Variants in ATF3 observed in about 807,000 individuals in gnomAD.
ATF3 encodes the protein cyclic AMP-dependent transcription factor ATF-3.
Under a neutral mutation model 18.4 loss-of-function variants are expected in ATF3, and 10 were observed. The ratio of observed to expected loss-of-function variants is 0.54; its 90% CI spans 0.34 to 0.92. The LOEUF (loss-of-function observed/expected upper bound fraction) is 0.92. Ranked by LOEUF, ATF3 falls within the 40% of genes least tolerant of loss-of-function variation. The pLI is 0.02. For synonymous variants in ATF3, 78 were observed against 87.9 expected, an observed-to-expected ratio of 0.89 and a Z score of 0.63; for missense variants, 183 against 222.3, an observed-to-expected ratio of 0.82 and a Z score of 1.12.
intron 1 of ATF3, among the ~76,000 whole-genome samples, chr1:212,600,877 C>CAT (rs977319859): frequency 1.3e-4 from 19 of 151,960 alleles, no homozygotes; most frequent in African/African-American, 2.9e-4. Context: ...AACATACATA[C>CAT]ATATATATAT....
In ATF3 at chr1:212,619,853, AT is replaced by A; in HGVS notation, c.*300del. 4 of 337,166 alleles carry A rather than the reference AT, an allele frequency of 1.2e-5. No individual in the cohort carries two copies. Among genetic ancestry groups the A allele is most frequent in the South Asian group, 1.0e-4 (4 of 39,402 alleles). The allele number at this position is 337,166 out of a possible 1,614,324, so 20.9% of individuals were successfully genotyped here. On this transcript the variant is annotated 3_prime_UTR_variant, in exon 4 of 4. Coordinates refer to ENST00000341491, the MANE Select transcript of ATF3 (RefSeq NM_001674.4). The surrounding 1 kb of genome is among the most constrained non-coding windows in gnomAD (Gnocchi z 4.4). Reference sequence around the variant, plus strand: ...GGTGTCCTGCCCGCCTTTCATCTGGATTCTACAAAAAACCAGGATGCCCACC... The same window carrying A: ...GGTGTCCTGCCCGCCTTTCATCTGGATCTACAAAAAACCAGGATGCCCACC...
At chr1:212,595,077 T>C (rs898493186) in intron 1 of ATF3, among the ~76,000 whole-genome samples, 1 of 152,220 alleles carries the variant, frequency 6.6e-6, no homozygotes, top group Non-Finnish European at 1.5e-5. Context: ...ATTTTAATAA[T>C]ATCTCAACCA....
chr1:212,596,252 T>C (rs958488294), intron 1 of ATF3, among the ~76,000 whole-genome samples: 1 of 152,254 alleles, frequency 6.6e-6, no homozygotes, highest in South Asian at 2.1e-4. Context: ...ACACTAAGGC[T>C]AACTTTCCCC....
chr1:212,577,566 C>A (rs993203693), intron 1 of ATF3, among the ~76,000 whole-genome samples: 1 of 151,376 alleles, frequency 6.6e-6, no homozygotes, highest in Non-Finnish European at 1.5e-5. Flanking sequence ...ACCAGCCCCA[C>A]CCCCATCCTA....
At position 212,615,228 on chromosome 1, in the gene ATF3, C is replaced by G. The variant is rs1364754670; in HGVS notation, c.207C>G (p.Asp69Glu). 6 of 1,614,072 alleles carry G rather than the reference C, an allele frequency of 3.7e-6. No individual in the cohort carries two copies. The highest frequency in any genetic ancestry group is 3.3e-5 in the Admixed American group (2 of 60,012). ...CGCTGGAATCAGTCACTGTCAGCGACAGACCCCTCGGGGTGTCCATCACAA... is the reference window on the plus strand; with the variant it reads ...CGCTGGAATCAGTCACTGTCAGCGAGAGACCCCTCGGGGTGTCCATCACAA... ...SSALESVTVSDRPLGVSITKA... is the reference protein window; with the variant it reads ...SSALESVTVSERPLGVSITKA... Residue 69 changes from aspartate to glutamate, a missense_variant, in exon 2 of 4, where the codon GAC (aspartate) becomes GAG (glutamate). Physicochemically the swap from Asp to Glu is conservative, Grantham distance 45. Transcript: ENST00000341491.
In ATF3 at chr1:212,619,911, G is replaced by A. The variant is rs114399691; in HGVS notation, c.*356G>A. The A allele has an allele frequency of 4.0e-3, 1,194 of 300,778 alleles. 14 individuals carry two copies. The highest frequency in any genetic ancestry group is 0.024 in the African/African-American group (1,104 of 46,186). 18.6% of individuals were successfully genotyped at this position (300,778 alleles called of 1,614,324 possible). On this transcript the variant is annotated 3_prime_UTR_variant, in exon 4 of 4. Transcript: ENST00000341491. The surrounding 1 kb of genome is among the most constrained non-coding windows in gnomAD (Gnocchi z 4.4). ...ATTCAGGCAGCAGTGTCTGTACCTC[G>A]GGTGGGAGGGATGGGGCCATCTCCT...
chr1:212,615,473 G>C (rs1041624416), intron 2 of ATF3, among the ~76,000 whole-genome samples: 2 of 152,020 alleles, frequency 1.3e-5, no homozygotes, highest in Admixed American at 1.3e-4. Flanking sequence ...AAAAAGCAGG[G>C]AGCGGGGCAG....
chr1:212,617,747 A>G (rs924912663), intron 2 of ATF3, among the ~76,000 whole-genome samples: 4 of 152,186 alleles, frequency 2.6e-5, no homozygotes, highest in Non-Finnish European at 5.9e-5. Context: ...CTGGTTCTCA[A>G]AGAAAGGAGA....
intron 1 of ATF3, among the ~76,000 whole-genome samples, chr1:212,568,772 A>G (rs759052287): frequency 1.3e-5 from 2 of 151,906 alleles, no homozygotes; most frequent in Non-Finnish European, 2.9e-5. Context: ...TAATGTCTAA[A>G]CCTCCACTGC....
At chr1:212,592,389 C>A (rs987793483) in intron 1 of ATF3, among the ~76,000 whole-genome samples, 1 of 151,844 alleles carries the variant, frequency 6.6e-6, no homozygotes, top group Non-Finnish European at 1.5e-5. Flanking sequence ...CTAATATCAT[C>A]GAATTAGCTA....
intron 1 of ATF3, among the ~76,000 whole-genome samples, chr1:212,572,542 C>T (rs1345602235): frequency 6.6e-6 from 1 of 152,144 alleles, no homozygotes; most frequent in Non-Finnish European, 1.5e-5. Context: ...AAACAAAAAA[C>T]ATTTTATTTG....
intron 1 of ATF3, among the ~76,000 whole-genome samples, chr1:212,565,688 C>A (rs1318007360): frequency 6.6e-6 from 1 of 152,076 alleles, no homozygotes; most frequent in African/African-American, 2.4e-5. Flanking sequence ...ATCGAAAAGT[C>A]CTGGAGTTAG....
chr1:212,605,677 A>G (rs189611608), upstream of ATF3, among the ~76,000 whole-genome samples: 12 of 152,166 alleles, frequency 7.9e-5, no homozygotes, highest in East Asian at 2.3e-3. Flanking sequence ...TTCTGTTTAG[A>G]TTTGGTTGCC....
At chr1:212,607,214 C>G (rs1654659041), upstream of ATF3, among the ~76,000 whole-genome samples, 1 of 152,202 alleles carries the variant, frequency 6.6e-6, no homozygotes, top group Non-Finnish European at 1.5e-5. Flanking sequence ...GACCCAGGCT[C>G]CAGACACCTC....
chr1:212,586,061 G>A (rs534810195), intron 1 of ATF3, among the ~76,000 whole-genome samples: 5 of 152,168 alleles, frequency 3.3e-5, no homozygotes, highest in Non-Finnish European at 5.9e-5. Context: ...GGTCCTGCCC[G>A]TGGGCAGGGG....
At chr1:212,572,093 A>G (rs921358772) in intron 1 of ATF3, among the ~76,000 whole-genome samples, 3 of 152,208 alleles carry the variant, frequency 2.0e-5, no homozygotes, top group African/African-American at 7.2e-5. Context: ...CAGAATATCT[A>G]TTCTATGTCT....
At chr1:212,617,617 T>A (rs3123544) in intron 2 of ATF3, among the ~76,000 whole-genome samples, 51,132 of 151,968 alleles carry the variant, frequency 0.34, 9,095 homozygotes, top group Admixed American at 0.44. Flanking sequence ...TTCTCCCAAA[T>A]TTGGGAAGCT....
At chr1:212,570,520 C>T (rs1261503222) in intron 1 of ATF3, among the ~76,000 whole-genome samples, 1 of 152,140 alleles carries the variant, frequency 6.6e-6, no homozygotes, top group Non-Finnish European at 1.5e-5. Context: ...GAATTGTACA[C>T]TTTAAATAAG....
upstream of ATF3, among the ~76,000 whole-genome samples, chr1:212,608,221 GTA>G (rs1481063097): frequency 6.6e-6 from 1 of 152,198 alleles, no homozygotes; most frequent in Admixed American, 6.5e-5. Context: ...GGGGGAGGGG[GTA>G]TTTTCCTGAA....
Sources: allele counts gnomAD v4.1 joint callset (sites outside exome capture counted in the v4.1 genomes callset), GRCh38; gene constraint gnomAD v4.1.1; non-coding constraint Gnocchi (gnomAD v3.1); transcripts MANE v1.5; gene names NCBI Gene and HGNC (gene_info 2026-07-23, HGNC 2026-07-21).